NXNL1: variants seen among roughly 807,000 people sequenced by gnomAD.
The protein encoded by NXNL1 is nucleoredoxin-like protein 1.
In NXNL1, 6 loss-of-function variants were observed where a neutral mutation model predicts 7.2. The ratio of observed to expected loss-of-function variants is 0.83; its 90% CI spans 0.46 to 1.64. The LOEUF (loss-of-function observed/expected upper bound fraction) is 1.64. Among genes scored for constraint, NXNL1 ranks in the 40% most tolerant of loss-of-function variants. NXNL1 has a pLI of 0.01. For synonymous variants in NXNL1, 133 were observed against 127.2 expected, an observed-to-expected ratio of 1.05 and a Z score of -0.31; for missense variants, 308 against 285.1, an observed-to-expected ratio of 1.08 and a Z score of -0.58.
In NXNL1 at chr19:17,460,543, C is replaced by G; in HGVS notation, c.326+1G>C. ...AGGAAGCCCTCCCTGCCCCTCCTCA[C>G]CTCCTCAGATCATCCTCAAAGGGCA... On this transcript the variant is annotated splice_donor_variant, in intron 1 of 1. Coordinates refer to ENST00000301944, the MANE Select transcript of NXNL1 (RefSeq NM_138454.2). LOFTEE classifies it high-confidence loss of function. 6.2e-7 allele frequency: 1 copy of G among 1,600,100 alleles called. No homozygotes were observed. The highest frequency in any genetic ancestry group is 8.5e-7 in the Non-Finnish European group (1 of 1,179,938).
chr19:17,455,636 A>G lies in NXNL1; in HGVS notation c.*11T>C. 7.4e-7 allele frequency: 1 copy of G among 1,360,118 alleles called. No homozygotes were observed. Among genetic ancestry groups the G allele is most frequent in the South Asian group, 1.3e-5 (1 of 79,664 alleles). The allele number at this position is 1,360,118 out of a possible 1,614,324, so 84.3% of individuals were successfully genotyped here. ...TCAACAAACCCCACTCCTCTCCTCC[A>G]CCCTAGCGGGTCAGAACAGCCCCCC... On this transcript the variant is annotated 3_prime_UTR_variant, in exon 2 of 2. Coordinates refer to ENST00000301944, the MANE Select transcript of NXNL1 (RefSeq NM_138454.2).
chr19:17,456,864 C>T (rs560084856), intron 1 of NXNL1, among the ~76,000 whole-genome samples: 26 of 151,922 alleles, frequency 1.7e-4, no homozygotes, highest in Non-Finnish European at 3.2e-4. Context: ...CTGGCTAACA[C>T]GGTGAAACCC....
Position 17,455,915 on chromosome 19 carries a change from A to T in NXNL1, c.371T>A (p.Val124Glu), listed in dbSNP as rs753521513. The T allele has an allele frequency of 4.4e-5, 70 of 1,595,406 alleles. No individual in the cohort carries two copies. In the Admixed American group the frequency reaches 1.2e-3, roughly 26 times the overall value. Residue 124 changes from valine (V) to glutamate (E), a missense_variant, in exon 2 of 2, where the codon GTG (valine) becomes GAG (glutamate). By Grantham distance (121) the Val-to-Glu change is moderately radical. Transcript: ENST00000301944. ...CACGTCCCCGTCCGGCTTGAGCACCACGACCGCCGGCAGGCGCTCCACTGA... is the reference window on the plus strand; with the variant it reads ...CACGTCCCCGTCCGGCTTGAGCACCTCGACCGCCGGCAGGCGCTCCACTGA... ...QFSVERLPAV[V>E]VLKPDGDVLT...
intron 1 of NXNL1, 82 bp from the exon 2 acceptor site, chr19:17,456,041 T>G (rs929581815): frequency 4.5e-6 from 7 of 1,566,376 alleles, no homozygotes; most frequent in African/African-American, 1.4e-5. Context: ...CTCCCAGTAC[T>G]TAGGCAGCGC....
In NXNL1 at chr19:17,455,672, T is replaced by TCCCCCC; in HGVS notation, c.613_614insGGGGGG (p.Glu204_Glu205insGlyGly). 4.8e-6 allele frequency: 2 copies of TCCCCCC among 419,172 alleles called. No homozygotes were observed. Among genetic ancestry groups the TCCCCCC allele is most frequent in the Non-Finnish European group, 3.4e-6 (1 of 297,114 alleles). The allele number at this position is 419,172 out of a possible 1,614,324, so 26.0% of individuals were successfully genotyped here. A position where few individuals can be genotyped will look rare whatever the true frequency, so the allele number is the denominator to read the frequency against. ...TCAGAACAGCCCCCCGGCCCCGCCC[T>TCCCCCC]CCTCCCCACCCCCTCCCCCGGGGTC... On this transcript the variant is annotated inframe_insertion, in exon 2 of 2. Transcript: ENST00000301944.
At chr19:17,457,138 C>T (rs1472028296) in intron 1 of NXNL1, among the ~76,000 whole-genome samples, 1 of 151,600 alleles carries the variant, frequency 6.6e-6, no homozygotes, top group Non-Finnish European at 1.5e-5. Flanking sequence ...TGGCTCACCC[C>T]TGTAATCCCA....
intron 1 of NXNL1, among the ~76,000 whole-genome samples, chr19:17,458,627 A>G (rs2075002125): frequency 1.8e-5 from 2 of 110,906 alleles, no homozygotes; most frequent in African/African-American, 7.1e-5. Context: ...TTTGAGACAG[A>G]GTCTTGCTCT....
chr19:17,459,738 G>T (rs967412987), intron 1 of NXNL1, among the ~76,000 whole-genome samples: 1 of 151,924 alleles, frequency 6.6e-6, no homozygotes, highest in African/African-American at 2.4e-5. Flanking sequence ...AAGAGACAGG[G>T]TCTACCTGTA....
At position 17,455,445 on chromosome 19, in the gene NXNL1, GGT is replaced by G. The variant is rs1240453763; in HGVS notation, c.*200_*201del. 1.7e-5 allele frequency: 10 copies of G among 578,878 alleles called. No homozygotes were observed. Among genetic ancestry groups the G allele is most frequent in the Non-Finnish European group, 2.8e-5 (9 of 326,518 alleles). 35.9% of individuals were successfully genotyped at this position (578,878 alleles called of 1,614,324 possible). A position where few individuals can be genotyped will look rare whatever the true frequency, so the allele number is the denominator to read the frequency against. ...CAGCCTTCAGGGTAGCTAAGCCACA[GGT>G]GCGCGCCACCACACCGGGCTAACTT... is the stretch of plus-strand genomic sequence containing the variant. On this transcript the variant is annotated 3_prime_UTR_variant, in exon 2 of 2. Transcript: ENST00000301944.
At position 17,460,495 on chromosome 19, in the gene NXNL1, T is replaced by C. The variant is rs1426072715; in HGVS notation, c.326+49A>G. 1.3e-6 allele frequency: 2 copies of C among 1,578,352 alleles called. 1 individual carries two copies. Among genetic ancestry groups the C allele is most frequent in the South Asian group, 2.2e-5 (2 of 89,078 alleles). On this transcript the variant is annotated intron_variant, in intron 1 of 1. Transcript: ENST00000301944. ...TCTAGTTAGAATGGATGCTTCACTT[T>C]CAGCGAACATGCCCCCTCCTCCAGG...
intron 1 of NXNL1, among the ~76,000 whole-genome samples, chr19:17,456,691 A>G (rs542505880): frequency 2.6e-5 from 4 of 151,970 alleles, no homozygotes; most frequent in African/African-American, 9.6e-5. Context: ...AGACCAGCCT[A>G]GCCAACATGG....
At chr19:17,456,096 C>T in intron 1 of NXNL1, 137 bp from the exon 2 acceptor site, 2 of 1,449,268 alleles carry the variant, frequency 1.4e-6, no homozygotes, top group African/African-American at 1.4e-5. Flanking sequence ...TAGGTGCACA[C>T]GAGGACCGGG....
intron 1 of NXNL1, among the ~76,000 whole-genome samples, chr19:17,458,777 T>A (rs2144517222): frequency 6.6e-6 from 1 of 151,836 alleles, no homozygotes; most frequent in South Asian, 2.1e-4. Context: ...AATTTTTGTA[T>A]TTTTAGTAGA....
chr19:17,458,569 T>C (rs577243501), intron 1 of NXNL1, among the ~76,000 whole-genome samples: 50 of 150,944 alleles, frequency 3.3e-4, no homozygotes, highest in Non-Finnish European at 6.5e-4. Context: ...CAGCTCCTTT[T>C]GTAAATTTTT....
At chr19:17,459,261 TAC>T (rs34248546) in intron 1 of NXNL1, among the ~76,000 whole-genome samples, 40,367 of 152,038 alleles carry the variant, frequency 0.27, 6,523 homozygotes, top group Non-Finnish European at 0.36. Context: ...CGGAATTACC[TAC>T]AGTCTCCCTG....
intron 1 of NXNL1, among the ~76,000 whole-genome samples, chr19:17,459,915 C>T (rs1007579010): frequency 1.3e-5 from 2 of 152,142 alleles, no homozygotes; most frequent in Non-Finnish European, 2.9e-5. Flanking sequence ...GGGAAGCATC[C>T]TCTGACCCCG....
Position 17,455,843 on chromosome 19 carries a change from C to T in NXNL1, c.443G>A (p.Cys148Tyr). 6.3e-7 allele frequency: 1 copy of T among 1,587,542 alleles called. No individual in the cohort carries two copies. Among genetic ancestry groups the T allele is most frequent in the Non-Finnish European group, 8.5e-7 (1 of 1,173,374 alleles). Reference protein sequence around the residue: ...ADEIQRLGTACFANWQEAAEV... With the variant: ...ADEIQRLGTAYFANWQEAAEV... ...GGCCGCCTCCTGCCAGTTGGCGAAG[C>T]AGGCGGTGCCCAGGCGCTGGATCTC... Residue 148 changes from cysteine to tyrosine, a missense_variant, in exon 2 of 2, where the codon TGC (cysteine) becomes TAC (tyrosine). Physicochemically the swap from Cys to Tyr is radical, Grantham distance 194. Transcript: ENST00000301944.
At chr19:17,458,194 TTTTC>T (rs1342932846) in intron 1 of NXNL1, among the ~76,000 whole-genome samples, 32 of 151,448 alleles carry the variant, frequency 2.1e-4, no homozygotes, top group African/African-American at 5.8e-4. Context: ...TGAACATTTT[TTTTC>T]TTTCTTTCTT....
intron 1 of NXNL1, among the ~76,000 whole-genome samples, chr19:17,458,447 A>T (rs2075001140): frequency 6.6e-6 from 1 of 151,102 alleles, no homozygotes; most frequent in Admixed American, 6.6e-5. Context: ...TGACCTCGTG[A>T]TCCGCCCGCC....
Sources: allele counts gnomAD v4.1 joint callset (sites outside exome capture counted in the v4.1 genomes callset), GRCh38; gene constraint gnomAD v4.1.1; transcripts MANE v1.5; gene names NCBI Gene and HGNC (gene_info 2026-07-23, HGNC 2026-07-21).